Variants in ZNF10 observed in about 807,000 individuals in gnomAD.
The protein encoded by ZNF10 is zinc finger protein 10 (KOX 1).
Under a neutral mutation model 12.2 loss-of-function variants are expected in ZNF10, and 8 were observed. That is an observed-to-expected ratio of 0.66 (90% CI 0.39 to 1.18). ZNF10 has a LOEUF of 1.18. Among genes scored for constraint, ZNF10 ranks in the 50% most tolerant of loss-of-function variants. The pLI, the probability that ZNF10 is intolerant of heterozygous loss-of-function variation, is 0.01. For synonymous variants in ZNF10, 229 were observed against 228.2 expected (o/e 1.00, Z -0.03); for missense variants, 603 against 678.9 (o/e 0.89, Z 1.24).
At position 133,156,114 on chromosome 12, in the gene ZNF10, GA is replaced by G. The variant is rs1342494392; in HGVS notation, c.873del (p.Lys291AsnfsTer110). The G allele has an allele frequency of 6.2e-7, 1 of 1,613,332 alleles. No homozygotes were observed. Among genetic ancestry groups the G allele is most frequent in the African/African-American group, 1.3e-5 (1 of 74,942 alleles). On this transcript the variant is annotated frameshift_variant, in exon 5 of 5. Transcript: ENST00000248211. LOFTEE classifies it low-confidence loss of function (END_TRUNC). Reference protein sequence around the residue: ...LTRHQLIHTGEKPYECKECGK... With the variant: ...LTRHQLIHTGXKPYECKECGK... ...TAGGCATCAGCTTATTCATACTGGA[GA>G]AAAACCCTATGAGTGTAAAGAATGT...
At position 133,156,984 on chromosome 12, in the gene ZNF10, T is replaced by C; in HGVS notation, c.*16T>C. ...TGCTTACTAATAAATATGGGAATTT[T>C]TCACAAAGAGCAATGACTTTATTTT... On this transcript the variant is annotated 3_prime_UTR_variant, in exon 5 of 5. Coordinates refer to ENST00000248211, the MANE Select transcript of ZNF10 (RefSeq NM_015394.5). The C allele has an allele frequency of 7.1e-7, 1 of 1,410,328 alleles. No individual in the cohort carries two copies. The highest frequency in any genetic ancestry group is 9.3e-7 in the Non-Finnish European group (1 of 1,079,568). The allele number at this position is 1,410,328 out of a possible 1,614,324, so 87.4% of individuals were successfully genotyped here.
intron 2 of ZNF10, among the ~76,000 whole-genome samples, chr12:133,146,219 C>T (rs1241873223): frequency 6.6e-6 from 1 of 152,126 alleles, no homozygotes; most frequent in Admixed American, 6.5e-5. Flanking sequence ...GAGGCTGTTC[C>T]CATCTGTCAA....
chr12:133,146,940 C>G (rs1169286814), intron 2 of ZNF10, among the ~76,000 whole-genome samples: 1 of 152,182 alleles, frequency 6.6e-6, no homozygotes, highest in Non-Finnish European at 1.5e-5. Context: ...CTAACTCCCC[C>G]TCCAGCCCCT....
intron 1 of ZNF10, among the ~76,000 whole-genome samples, chr12:133,142,148 C>T (rs765431119): frequency 2.6e-5 from 4 of 152,124 alleles, no homozygotes; most frequent in East Asian, 3.9e-4. Flanking sequence ...ACAGGCCGGG[C>T]GCGGTGGCTC....
At chr12:133,149,352 C>CTTTTTTTT (rs144304054) in intron 2 of ZNF10, among the ~76,000 whole-genome samples, 10 of 85,804 alleles carry the variant, frequency 1.2e-4, no homozygotes, top group African/African-American at 1.5e-4. Flanking sequence ...TTTGCTATTG[C>CTTTTTTTT]TTTTTTTTTT....
chr12:133,147,460 T>G (rs1409037907), intron 2 of ZNF10, among the ~76,000 whole-genome samples: 1 of 152,212 alleles, frequency 6.6e-6, no homozygotes, highest in African/African-American at 2.4e-5. Flanking sequence ...GTCTTAGAGG[T>G]ATCTCACTGT....
chr12:133,142,155 G>T (rs890491578), intron 1 of ZNF10, among the ~76,000 whole-genome samples: 1 of 152,190 alleles, frequency 6.6e-6, no homozygotes, highest in Non-Finnish European at 1.5e-5. Flanking sequence ...GGGCGCGGTG[G>T]CTCACGCCTG....
At position 133,157,111 on chromosome 12, in the gene ZNF10, A is replaced by G; in HGVS notation, c.*143A>G. On this transcript the variant is annotated 3_prime_UTR_variant, in exon 5 of 5. Transcript: ENST00000248211. ...TTGCACATTAGAGAATTGGTCCTGG[A>G]AGGGAAAGAAACCACAGATTTTATT... is the stretch of plus-strand genomic sequence containing the variant. 5.6e-6 allele frequency: 4 copies of G among 709,076 alleles called. No homozygotes were observed. Among genetic ancestry groups the G allele is most frequent in the Non-Finnish European group, 7.9e-6 (4 of 506,798 alleles). The allele number at this position is 709,076 out of a possible 1,614,324, so 43.9% of individuals were successfully genotyped here.
intron 1 of ZNF10, among the ~76,000 whole-genome samples, chr12:133,135,214 T>C (rs953799092): frequency 6.6e-6 from 1 of 152,136 alleles, no homozygotes; most frequent in African/African-American, 2.4e-5. Flanking sequence ...TGGGTCTGCC[T>C]TGTCTTACTG....
chr12:133,134,221 G>A (rs1955898166), intron 1 of ZNF10, among the ~76,000 whole-genome samples: 1 of 151,912 alleles, frequency 6.6e-6, no homozygotes, highest in Non-Finnish European at 1.5e-5. Context: ...GCTGTGGCAG[G>A]AGAATCACTT....
Position 133,148,750 on chromosome 12 carries a change from G to GTTTTTTTTTTTTTTTTT in ZNF10, c.34-2278_34-2277insTTTTTTTTTTTTTTTTT, listed in dbSNP as rs201972025. Among the ~76,000 whole-genome samples, 3 of 137,408 alleles carry GTTTTTTTTTTTTTTTTT rather than the reference G, an allele frequency of 2.2e-5. 1 individual carries two copies. 90.1% of individuals were successfully genotyped at this position (137,408 alleles called of 152,430 possible). A position where few individuals can be genotyped will look rare whatever the true frequency, so the allele number is the denominator to read the frequency against. Reference sequence around the variant, plus strand: ...AGGTTTCTAGGTTGTATTCAATGTTGGTTTTTTTTTTTTTTTTTTGAGTTG... The same window carrying GTTTTTTTTTTTTTTTTT: ...AGGTTTCTAGGTTGTATTCAATGTTGTTTTTTTTTTTTTTTTTGTTTTTTTTTTTTTTTTTTGAGTTG... On this transcript the variant is annotated intron_variant, in intron 2 of 4. Coordinates refer to ENST00000248211, the MANE Select transcript of ZNF10 (RefSeq NM_015394.5).
intron 1 of ZNF10, among the ~76,000 whole-genome samples, chr12:133,134,694 G>A (rs915107456): frequency 6.6e-5 from 10 of 152,120 alleles, no homozygotes; most frequent in African/African-American, 2.4e-4. Context: ...CCTTTCTCTG[G>A]CACTATGTTT....
In ZNF10 at chr12:133,155,550, A is replaced by G; in HGVS notation, c.304A>G (p.Ile102Val). The G allele has an allele frequency of 3.1e-6, 5 of 1,599,550 alleles. No homozygotes were observed. Among genetic ancestry groups the G allele is most frequent in the Non-Finnish European group, 1.7e-6 (2 of 1,176,194 alleles). The change falls in exon 5 of 5, where the codon ATT becomes GTT. Residue 102 changes from isoleucine (I) to valine (V), a missense_variant. Physicochemically the swap from Ile to Val is conservative, Grantham distance 29. Coordinates refer to ENST00000248211, the MANE Select transcript of ZNF10 (RefSeq NM_015394.5). ...EIKSSVSSRS[I>V]FKDKQSCDIK... ...CAAATCATCAGTTTCCAGCAGGAGC[A>G]TTTTTAAAGATAAGCAATCCTGTGA...
chr12:133,150,038 G>A (rs7974709), intron 2 of ZNF10, among the ~76,000 whole-genome samples: 40,900 of 152,004 alleles, frequency 0.27, 5,799 homozygotes, highest in African/African-American at 0.34. Flanking sequence ...TTGTGTGTAC[G>A]TTGAAAAACT....
At position 133,156,582 on chromosome 12, in the gene ZNF10, T is replaced by C. The variant is rs770161041; in HGVS notation, c.1336T>C (p.Ser446Pro). The C allele has an allele frequency of 1.9e-6, 3 of 1,613,660 alleles. No homozygotes were observed. Among genetic ancestry groups the C allele is most frequent in the East Asian group, 2.2e-5 (1 of 44,884 alleles). The change falls in exon 5 of 5, where the codon TCT becomes CCT. Residue 446 changes from serine to proline, a missense_variant. Around this residue, in one of 3 missense-constraint regions of ZNF10, gnomAD observed 204 missense variants for 262.8 expected, o/e 0.78. Coordinates refer to ENST00000248211, the MANE Select transcript of ZNF10 (RefSeq NM_015394.5). The part of the protein sequence containing the change: ...KDCGKCFSRS[S>P]HLYSHQRTHT... Reference sequence around the variant, plus strand: ...TTGTGGAAAATGTTTTAGTCGAAGCTCTCACCTTTATTCACATCAAAGAAC... The same window carrying C: ...TTGTGGAAAATGTTTTAGTCGAAGCCCTCACCTTTATTCACATCAAAGAAC...
At chr12:133,140,052 G>A (rs1022204032) in intron 1 of ZNF10, among the ~76,000 whole-genome samples, 10 of 151,606 alleles carry the variant, frequency 6.6e-5, no homozygotes, top group African/African-American at 2.4e-4. Context: ...AAAATTTAAA[G>A]ATTAGCTGAG....
At position 133,157,709 on chromosome 12, in the gene ZNF10, T is replaced by A. The variant is rs866960947; in HGVS notation, c.*741T>A. 2.6e-5 allele frequency: 4 copies of A among 152,228 alleles called. No homozygotes were observed. Among genetic ancestry groups the A allele is most frequent in the African/African-American group, 9.6e-5 (4 of 41,454 alleles). The allele number at this position is 152,228 out of a possible 1,614,324, so 9.4% of individuals were successfully genotyped here. ...TAAATATTGTAAGAGGATATCTAGTTTCTCTATTCTACCATCAAAGAAGCT... is the reference window on the plus strand; with the variant it reads ...TAAATATTGTAAGAGGATATCTAGTATCTCTATTCTACCATCAAAGAAGCT... On this transcript the variant is annotated 3_prime_UTR_variant, in exon 5 of 5. Coordinates refer to ENST00000248211, the MANE Select transcript of ZNF10 (RefSeq NM_015394.5).
chr12:133,140,855 T>G (rs1456242339), intron 1 of ZNF10, among the ~76,000 whole-genome samples: 1 of 152,138 alleles, frequency 6.6e-6, no homozygotes, highest in East Asian at 1.9e-4. Flanking sequence ...AAAAGCAATA[T>G]GGCTTCTGTA....
chr12:133,135,218 C>T (rs1955904092), intron 1 of ZNF10, among the ~76,000 whole-genome samples: 1 of 152,092 alleles, frequency 6.6e-6, no homozygotes. Flanking sequence ...TCTGCCTTGT[C>T]TTACTGGGAA....
Sources: allele counts gnomAD v4.1 joint callset (sites outside exome capture counted in the v4.1 genomes callset), GRCh38; gene constraint gnomAD v4.1.1; regional missense constraint gnomAD v4.1.1; transcripts MANE v1.5; gene names NCBI Gene and HGNC (gene_info 2026-07-23, HGNC 2026-07-21).